The following TRHDE variants were observed in gnomAD, a reference collection of about 807,000 sequenced individuals.
The protein encoded by TRHDE is thyrotropin-releasing hormone-degrading ectoenzyme.
TRHDE carries 72 observed loss-of-function variants against 125.7 expected under a neutral mutation model. That is an observed-to-expected ratio of 0.57 (90% confidence interval 0.47 to 0.70). The LOEUF is 0.70. Among genes scored for constraint, TRHDE ranks in the 30% least tolerant of loss-of-function variants. TRHDE has a pLI of 0.00. For missense variants in TRHDE, 1,110 were observed against 1,327.1 expected (o/e 0.84, Z 2.54); for synonymous variants, 509 against 509.1 (o/e 1.00, Z 0.00).
At chr12:72,196,148 T>C (rs1877438678) in intron 2 of TRHDE, among the ~76,000 whole-genome samples, 1 of 152,192 alleles carries the variant, frequency 6.6e-6, no homozygotes, top group Admixed American at 6.5e-5. Flanking sequence ...TAGTTTGAAG[T>C]CATGTAATGT....
chr12:72,549,272 G>C (rs1214897), intron 7 of TRHDE, among the ~76,000 whole-genome samples: 81,079 of 151,660 alleles, frequency 0.53, 26,268 homozygotes, highest in South Asian at 0.72. Context: ...GGTAACATGT[G>C]TATGCAGGAT....
At position 72,539,343 on chromosome 12, in the gene TRHDE, G is replaced by A. The variant is rs574968306; in HGVS notation, c.1723-2948G>A. Among the ~76,000 whole-genome samples, 32 of 151,982 alleles carry A rather than the reference G, an allele frequency of 2.1e-4. No individual in the cohort carries two copies. In the South Asian group the frequency reaches 2.5e-3, roughly 12 times the overall value. On this transcript the variant is annotated intron_variant, in intron 6 of 18. Transcript: ENST00000261180. The stretch of plus-strand genomic sequence containing the variant: ...AAGCATGCACTAAAGAAAGAAATTA[G>A]TTGAGAAGATCTCCCTCTCCAAAAG...
chr12:72,655,354 G>A (rs559072110), intron 17 of TRHDE, among the ~76,000 whole-genome samples: 1 of 152,258 alleles, frequency 6.6e-6, no homozygotes, highest in South Asian at 2.1e-4. Flanking sequence ...GATCACAGGC[G>A]TGAGCCACCG....
At chr12:72,606,146 T>C (rs1872433265) in intron 12 of TRHDE, among the ~76,000 whole-genome samples, 3 of 152,202 alleles carry the variant, frequency 2.0e-5, no homozygotes, top group Admixed American at 2.0e-4. Flanking sequence ...AGGGTTGTGA[T>C]ACTCACGAAT....
intron 2 of TRHDE, among the ~76,000 whole-genome samples, chr12:72,369,092 C>T (rs1038323279): frequency 3.9e-5 from 6 of 152,196 alleles, no homozygotes; most frequent in Non-Finnish European, 2.9e-5. Context: ...GTATGTTTTT[C>T]CTTTCAATGA....
At chr12:72,166,358 C>A (rs886220468) in intron 2 of TRHDE, among the ~76,000 whole-genome samples, 1 of 151,916 alleles carries the variant, frequency 6.6e-6, no homozygotes, top group Non-Finnish European at 1.5e-5. Context: ...CATATATACA[C>A]ACATATATAT....
At chr12:72,206,863 T>C (rs1208204143) in intron 2 of TRHDE, among the ~76,000 whole-genome samples, 3 of 151,516 alleles carry the variant, frequency 2.0e-5, no homozygotes, top group African/African-American at 7.2e-5. Flanking sequence ...CATATAATAA[T>C]ATATATAGGA....
At chr12:72,139,973 TA>T (rs1876077137) in intron 2 of TRHDE, 1 of 152,168 alleles carries the variant, frequency 6.6e-6, no homozygotes, top group South Asian at 2.1e-4. Flanking sequence ...GGCAATAACA[TA>T]CCAACGTGAC....
intron 6 of TRHDE, among the ~76,000 whole-genome samples, chr12:72,518,249 A>C (rs994376417): frequency 6.9e-6 from 1 of 145,800 alleles, no homozygotes; most frequent in Non-Finnish European, 1.5e-5. Context: ...GTGGGGTGTT[A>C]AAGTCTCCCA....
intron 6 of TRHDE, among the ~76,000 whole-genome samples, chr12:72,527,539 G>A (rs1033504766): frequency 3.3e-5 from 5 of 150,570 alleles, no homozygotes; most frequent in Non-Finnish European, 7.4e-5. Flanking sequence ...AACTCTTTTC[G>A]CAGTCTCTCA....
In TRHDE at chr12:72,656,978, A is replaced by G. The variant is rs552773206; in HGVS notation, c.3036A>G (p.Glu1012=). The stretch of plus-strand genomic sequence containing the variant: ...CCAAACTCATCAGTGGTGTCACAGA[A>G]TTTCTTAATACTGAAGGTGAACTCA... The part of the protein sequence containing the change: ...MNSKLISGVT[E]FLNTEGELKE... Residue 1012 remains glutamate (E), a synonymous_variant, in exon 18 of 19, where the codon GAA becomes GAG. Coordinates refer to ENST00000261180, the MANE Select transcript of TRHDE (RefSeq NM_013381.3). 1 of 1,609,090 alleles carries G rather than the reference A, an allele frequency of 6.2e-7. No individual in the cohort carries two copies. Among genetic ancestry groups the G allele is most frequent in the African/African-American group, 1.3e-5 (1 of 74,870 alleles).
chr12:72,500,849 CTT>C (rs11314911), intron 6 of TRHDE, among the ~76,000 whole-genome samples: 14,637 of 109,518 alleles, frequency 0.13, 723 homozygotes, highest in Middle Eastern at 0.25. Context: ...CAACTTTGTT[CTT>C]TTTTTTTTTT....
intron 6 of TRHDE, among the ~76,000 whole-genome samples, chr12:72,538,670 T>TACAA (rs1385852266): frequency 2.6e-5 from 4 of 151,930 alleles, no homozygotes; most frequent in Non-Finnish European, 1.5e-5. Context: ...ACAGCACATT[T>TACAA]ACAAACAGAT....
At chr12:72,468,064 TC>T (rs1490603186) in intron 3 of TRHDE, among the ~76,000 whole-genome samples, 4 of 152,220 alleles carry the variant, frequency 2.6e-5, no homozygotes, top group Non-Finnish European at 5.9e-5. Context: ...TCCATCCTTT[TC>T]CCCTCCATTC....
intron 2 of TRHDE, among the ~76,000 whole-genome samples, chr12:72,334,624 G>A (rs1464709753): frequency 6.6e-6 from 1 of 152,190 alleles, no homozygotes; most frequent in Non-Finnish European, 1.5e-5. Context: ...TGCCCTTGTA[G>A]CTCTTGTCTG....
chr12:72,107,072 T>C (rs942842834), intron 2 of TRHDE, among the ~76,000 whole-genome samples: 1 of 152,168 alleles, frequency 6.6e-6, no homozygotes, highest in African/African-American at 2.4e-5. Context: ...TCCCTACTCA[T>C]ATTCTAAGTT....
intron 12 of TRHDE, among the ~76,000 whole-genome samples, chr12:72,603,937 A>G (rs1261659268): frequency 6.6e-6 from 1 of 152,192 alleles, no homozygotes; most frequent in Non-Finnish European, 1.5e-5. Flanking sequence ...GATTTCTACA[A>G]GCAAAAATAA....
intron 3 of TRHDE, among the ~76,000 whole-genome samples, chr12:72,389,635 T>A (rs1872553168): frequency 6.6e-6 from 1 of 152,200 alleles, no homozygotes; most frequent in African/African-American, 2.4e-5. Flanking sequence ...CAGGTGTATC[T>A]TGTTATAAAG....
chr12:72,208,547 A>T (rs1412919544), intron 2 of TRHDE, among the ~76,000 whole-genome samples: 1 of 152,160 alleles, frequency 6.6e-6, no homozygotes, highest in Non-Finnish European at 1.5e-5. Flanking sequence ...AGGAGTACAG[A>T]CTGCTGGGTT....
Sources: allele counts gnomAD v4.1 joint callset (sites outside exome capture counted in the v4.1 genomes callset), GRCh38; gene constraint gnomAD v4.1.1; transcripts MANE v1.5; gene names NCBI Gene and HGNC (gene_info 2026-07-23, HGNC 2026-07-21).